Variants in DLX3 observed in about 807,000 individuals in gnomAD.
The protein encoded by DLX3 is homeobox protein DLX-3.
Under a neutral mutation model 28.0 loss-of-function variants are expected in DLX3, and 9 were observed. The ratio of observed to expected loss-of-function variants is 0.32; its 90% CI spans 0.19 to 0.56. The LOEUF is 0.56. DLX3 is among the 20% of genes least tolerant of loss of function. The probability of loss-of-function intolerance (pLI) is 0.91; values close to 1 mark genes in which losing one functional copy is unlikely to be tolerated. For missense variants in DLX3, 313 were observed against 378.2 expected, an observed-to-expected ratio of 0.83 and a Z score of 1.43; for synonymous variants, 154 against 167.9, an observed-to-expected ratio of 0.92 and a Z score of 0.64.
Position 49,991,531 on chromosome 17 carries a change from C to G in DLX3, c.850G>C (p.Gly284Arg), listed in dbSNP as rs888123487. 6.2e-7 allele frequency: 1 copy of G among 1,605,400 alleles called. No individual in the cohort carries two copies. The highest frequency in any genetic ancestry group is 8.5e-7 in the Non-Finnish European group (1 of 1,178,860). Residue 284 changes from glycine to arginine, a missense_variant, in exon 3 of 3, where the codon GGG (glycine) becomes CGG (arginine). By Grantham distance (125) the Gly-to-Arg change is moderately radical (BLOSUM62 -2). Transcript: ENST00000434704. ...CAGATGGGTGCTCAGTACACAGCCC[C>G]AGGGTTGGGCGGGGGCCCGGGAGAG... is the stretch of plus-strand genomic sequence containing the variant. ...HASPGPPPNPGAVY is the reference protein window; with the variant it reads ...HASPGPPPNPRAVY
chr17:49,993,029 A>ATGTG, intron 2 of DLX3, among the ~76,000 whole-genome samples: 1 of 152,196 alleles, frequency 6.6e-6, no homozygotes, highest in East Asian at 1.9e-4. Context: ...CCTCCGGTGC[A>ATGTG]TGCAGACCCA....
At position 49,991,449 on chromosome 17, in the gene DLX3, G is replaced by A. The variant is rs886300599; in HGVS notation, c.*68C>T. The stretch of plus-strand genomic sequence containing the variant: ...CTGTGCTCCTCGATGATTCCTGAGT[G>A]GCTAGGACGGAGGCGCCTTCTGCCT... On this transcript the variant is annotated 3_prime_UTR_variant, in exon 3 of 3. Transcript: ENST00000434704. The A allele has an allele frequency of 1.5e-6, 2 of 1,345,518 alleles. No homozygotes were observed. The highest frequency in any genetic ancestry group is 2.0e-6 in the Non-Finnish European group (2 of 985,784). 83.3% of individuals were successfully genotyped at this position (1,345,518 alleles called of 1,614,324 possible). A position where few individuals can be genotyped will look rare whatever the true frequency, so the allele number is the denominator to read the frequency against.
chr17:49,993,633 C>T lies in DLX3; in HGVS notation c.326-43G>A, dbSNP rs763319985. On this transcript the variant is annotated intron_variant, in intron 1 of 2. Transcript: ENST00000434704. ...GGCGGAAGAGGGGGCGGTTCAGCCTCGGCCTGCGACTCCTGCGACCCTCCA... is the reference window on the plus strand; with the variant it reads ...GGCGGAAGAGGGGGCGGTTCAGCCTTGGCCTGCGACTCCTGCGACCCTCCA... The T allele has an allele frequency of 5.6e-6, 9 of 1,600,058 alleles. No homozygotes were observed. In the Admixed American group the frequency reaches 8.5e-5, roughly 15 times the overall value.
chr17:49,992,211 T>C (rs1906115138), intron 2 of DLX3, among the ~76,000 whole-genome samples: 1 of 151,992 alleles, frequency 6.6e-6, no homozygotes, highest in Non-Finnish European at 1.5e-5. Flanking sequence ...GTACGACATA[T>C]AAAAAACTTA....
In DLX3 at chr17:49,995,079, C is replaced by G; in HGVS notation, c.-81G>C. ...CGGAGTGCGAGAGAGGCGGAAGAGA[C>G]GAGGCAGGGGTGTGTGTCCAGAAGG... On this transcript the variant is annotated 5_prime_UTR_variant, in exon 1 of 3. Transcript: ENST00000434704. The G allele has an allele frequency of 2.0e-6, 3 of 1,523,916 alleles. No homozygotes were observed. The highest frequency in any genetic ancestry group is 2.3e-5 in the South Asian group (2 of 85,452). 94.4% of individuals were successfully genotyped at this position (1,523,916 alleles called of 1,614,324 possible). A position where few individuals can be genotyped will look rare whatever the true frequency, so the allele number is the denominator to read the frequency against.
In DLX3 at chr17:49,990,977, G is replaced by A. The variant is rs1435456709; in HGVS notation, c.*540C>T. ...GGCTAGAAGTGCAGGGCGGTGACCAGTTCAGGTCCCCACCCGGAGTCCTCG... is the reference window on the plus strand; with the variant it reads ...GGCTAGAAGTGCAGGGCGGTGACCAATTCAGGTCCCCACCCGGAGTCCTCG... On this transcript the variant is annotated 3_prime_UTR_variant, in exon 3 of 3. Transcript: ENST00000434704. 1 of 158,026 alleles carries A rather than the reference G, an allele frequency of 6.3e-6. No individual in the cohort carries two copies. The highest frequency in any genetic ancestry group is 2.4e-5 in the African/African-American group (1 of 41,510). The allele number at this position is 158,026 out of a possible 1,614,324, so 9.8% of individuals were successfully genotyped here.
intron 1 of DLX3, among the ~76,000 whole-genome samples, chr17:49,994,201 C>T (rs751857185): frequency 3.7e-4 from 56 of 151,404 alleles, no homozygotes; most frequent in Non-Finnish European, 1.2e-4. Context: ...CTCTGCCTCT[C>T]GGTGGCTGCT....
At chr17:49,991,940 A>G in intron 2 of DLX3, 76 bp from the exon 3 acceptor site, 1 of 1,451,968 alleles carries the variant, frequency 6.9e-7, no homozygotes, top group Admixed American at 1.8e-5. Context: ...CCTAGCCAAG[A>G]AAAAGAAAGG....
chr17:49,991,297 G>A lies in DLX3; in HGVS notation c.*220C>T. 1 of 556,414 alleles carries A rather than the reference G, an allele frequency of 1.8e-6. No individual in the cohort carries two copies. Among genetic ancestry groups the A allele is most frequent in the East Asian group, 3.0e-5 (1 of 33,866 alleles). 34.5% of individuals were successfully genotyped at this position (556,414 alleles called of 1,614,324 possible). ...GGTGGAATGTCCCCACATCTGGAGG[G>A]GTACCCCAGTGTCTAGGCAGAGGGA... On this transcript the variant is annotated 3_prime_UTR_variant, in exon 3 of 3. Transcript: ENST00000434704.
intron 1 of DLX3, 183 bp from the exon 2 acceptor site, chr17:49,993,773 C>T (rs1008311770): frequency 3.8e-6 from 2 of 532,554 alleles, no homozygotes; most frequent in South Asian, 4.6e-5. Flanking sequence ...CAGAACTGGC[C>T]GCGGCCCACA....
At chr17:49,992,935 A>T (rs558322215) in intron 2 of DLX3, among the ~76,000 whole-genome samples, 2 of 152,328 alleles carry the variant, frequency 1.3e-5, no homozygotes, top group East Asian at 3.9e-4. Flanking sequence ...GAACGCATAT[A>T]CATTCAGGGC....
chr17:49,994,436 C>G (rs1264734837), intron 1 of DLX3, among the ~76,000 whole-genome samples: 3 of 152,204 alleles, frequency 2.0e-5, no homozygotes. Flanking sequence ...CCTCTCTCAG[C>G]TCATCCCGAT....
chr17:49,994,853 T>C lies in DLX3; in HGVS notation c.146A>G (p.Asp49Gly). 3 of 1,614,180 alleles carry C rather than the reference T, an allele frequency of 1.9e-6. No homozygotes were observed. In the African/African-American group the frequency reaches 4.0e-5, roughly 22 times the overall value. The change falls in exon 1 of 3, where the codon GAT (aspartate) becomes GGT (glycine). Residue 49 changes from aspartate to glycine, a missense_variant. Physicochemically the swap from Asp to Gly is moderately conservative, Grantham distance 94 (BLOSUM62 -1). Coordinates refer to ENST00000434704, the MANE Select transcript of DLX3 (RefSeq NM_005220.3). ...GCCATAGGGCTGGCCCGAGTAGTAA[T>C]CGTGCTGGGGAGCGCTGTAGTAGCC... ...DLGYYSAPQH[D>G]YYSGQPYGQT... is the part of the protein sequence containing the mutation.
At chr17:49,994,490 T>C (rs555143983) in intron 1 of DLX3, among the ~76,000 whole-genome samples, 184 bp downstream of exon 1, 1 of 152,334 alleles carries the variant, frequency 6.6e-6, no homozygotes, top group East Asian at 1.9e-4. Flanking sequence ...GCGCCCCAAA[T>C]GCTTGCACAC....
chr17:49,993,262 G>C (rs1906155184), intron 2 of DLX3, 138 bp downstream of exon 2: 1 of 867,790 alleles, frequency 1.2e-6, no homozygotes, highest in Non-Finnish European at 1.7e-6. Context: ...CACCGAAGTT[G>C]AACCTCGCAG....
In DLX3 at chr17:49,994,625, G is replaced by C. The variant is rs559125251; in HGVS notation, c.325+49C>G. The C allele has an allele frequency of 6.9e-6, 11 of 1,604,904 alleles. No homozygotes were observed. The African/African-American group carries it at 1.5e-4, about 21-fold the overall frequency. On this transcript the variant is annotated intron_variant, in intron 1 of 2. Transcript: ENST00000434704. ...TCCAGTCCATGCCTTTTCCTCCCTC[G>C]GGAACCTTCCAGTGTCTCCCACTGT...
Position 49,991,490 on chromosome 17 carries a change from T to G in DLX3, c.*27A>C. 2 of 1,570,738 alleles carry G rather than the reference T, an allele frequency of 1.3e-6. No homozygotes were observed. The highest frequency in any genetic ancestry group is 1.7e-6 in the Non-Finnish European group (2 of 1,162,738). On this transcript the variant is annotated 3_prime_UTR_variant, in exon 3 of 3. Coordinates refer to ENST00000434704, the MANE Select transcript of DLX3 (RefSeq NM_005220.3). Reference sequence around the variant, plus strand: ...CCTTCTGCCTGGTCCTGGGGTCCTTTGTCAAGGGTGCAGGCCAGATGGGTG... The same window carrying G: ...CCTTCTGCCTGGTCCTGGGGTCCTTGGTCAAGGGTGCAGGCCAGATGGGTG...
chr17:49,991,510 TGG>T lies in DLX3; in HGVS notation c.*5_*6del. The T allele has an allele frequency of 6.3e-7, 1 of 1,596,634 alleles. No homozygotes were observed. ...TCCTTTGTCAAGGGTGCAGGCCAGA[TGG>T]GTGCTCAGTACACAGCCCCAGGGTT... On this transcript the variant is annotated 3_prime_UTR_variant, in exon 3 of 3. Coordinates refer to ENST00000434704, the MANE Select transcript of DLX3 (RefSeq NM_005220.3).
At chr17:49,993,908 CT>C (rs1244009458) in intron 1 of DLX3, among the ~76,000 whole-genome samples, 1 of 152,126 alleles carries the variant, frequency 6.6e-6, no homozygotes, top group African/African-American at 2.4e-5. Context: ...AGCCTCGGGG[CT>C]CCTCGCCGCC....
Sources: allele counts gnomAD v4.1 joint callset (sites outside exome capture counted in the v4.1 genomes callset), GRCh38; gene constraint gnomAD v4.1.1; transcripts MANE v1.5; gene names NCBI Gene and HGNC (gene_info 2026-07-23, HGNC 2026-07-21).